ZNF385D: variants seen among roughly 807,000 people sequenced by gnomAD.
The protein encoded by ZNF385D is zinc finger protein 659.
Under a neutral mutation model 35.8 loss-of-function variants are expected in ZNF385D, and 15 were observed. The observed-to-expected ratio is 0.42, with a 90% CI of 0.28 to 0.64. The LOEUF (loss-of-function observed/expected upper bound fraction) is 0.64, where lower values mean the gene tolerates loss of function less well. Among genes scored for constraint, ZNF385D ranks in the 30% least tolerant of loss-of-function variants. The pLI is 0.23. For missense variants in ZNF385D, 474 were observed against 494.6 expected (o/e 0.96, Z 0.39); for synonymous variants, 212 against 186.8 (o/e 1.13, Z -1.10).
chr3:21,713,532 A>G (rs778990961), intron 1 of ZNF385D, among the ~76,000 whole-genome samples: 1 of 151,932 alleles, frequency 6.6e-6, no homozygotes, highest in Non-Finnish European at 1.5e-5. Flanking sequence ...TTCAAATTTC[A>G]TATCCTCCAA....
At chr3:22,267,807 G>T (rs573967624) in intron 2 of ZNF385D, among the ~76,000 whole-genome samples, 1 of 151,880 alleles carries the variant, frequency 6.6e-6, no homozygotes, top group Non-Finnish European at 1.5e-5. Flanking sequence ...AGTAATTAAA[G>T]TATTACCAAT....
intron 1 of ZNF385D, among the ~76,000 whole-genome samples, chr3:21,680,820 A>C (rs935808707): frequency 6.6e-6 from 1 of 151,228 alleles, no homozygotes; most frequent in African/African-American, 2.4e-5. Flanking sequence ...TTAGTTGGTT[A>C]TTTTTTTTTC....
At chr3:21,526,667 G>A (rs560483750) in intron 3 of ZNF385D, among the ~76,000 whole-genome samples, 32 of 152,220 alleles carry the variant, frequency 2.1e-4, no homozygotes, top group Non-Finnish European at 4.0e-4. Context: ...AGAAGTGTCC[G>A]TTAGATTTCG....
chr3:21,503,318 A>G (rs1442027413), intron 4 of ZNF385D, among the ~76,000 whole-genome samples: 1 of 152,200 alleles, frequency 6.6e-6, no homozygotes, highest in East Asian at 1.9e-4. Flanking sequence ...TCTTTCTGAA[A>G]TCAAGCCCAG....
At chr3:22,337,212 C>A (rs2125471514) in intron 2 of ZNF385D, among the ~76,000 whole-genome samples, 1 of 151,898 alleles carries the variant, frequency 6.6e-6, no homozygotes, top group East Asian at 1.9e-4. Flanking sequence ...GAATGGATAG[C>A]TCCACATTTC....
At chr3:21,586,301 T>G (rs2063809869) in intron 2 of ZNF385D, among the ~76,000 whole-genome samples, 1 of 152,162 alleles carries the variant, frequency 6.6e-6, no homozygotes, top group Non-Finnish European at 1.5e-5. Flanking sequence ...ACTGTTTTTA[T>G]CTTGAAAAAG....
intron 3 of ZNF385D, among the ~76,000 whole-genome samples, chr3:21,864,594 A>T (rs1697232129): frequency 6.6e-6 from 1 of 152,110 alleles, no homozygotes; most frequent in Non-Finnish European, 1.5e-5. Flanking sequence ...ACTAAATGAC[A>T]GTGTTTTAAA....
chr3:22,151,448 G>C (rs1382841099), intron 3 of ZNF385D, among the ~76,000 whole-genome samples: 1 of 152,086 alleles, frequency 6.6e-6, no homozygotes, highest in Non-Finnish European at 1.5e-5. Context: ...AATAGAGATT[G>C]CAATTCCTAC....
chr3:21,627,080 T>G (rs1364275169), intron 2 of ZNF385D, among the ~76,000 whole-genome samples: 17 of 151,588 alleles, frequency 1.1e-4, no homozygotes, highest in Admixed American at 2.6e-4. Flanking sequence ...CACAACTAAA[T>G]AACTATAATT....
intron 3 of ZNF385D, among the ~76,000 whole-genome samples, chr3:21,796,868 G>C (rs535207853): frequency 1.3e-5 from 2 of 152,194 alleles, no homozygotes; most frequent in African/African-American, 4.8e-5. Flanking sequence ...CTGGTAACTT[G>C]TTGACAGGTA....
chr3:21,608,023 G>GTTTTTTTTTGTTTTTTTTT lies in ZNF385D; in HGVS notation c.166-43340_166-43339insAAAAAAAAACAAAAAAAAA, dbSNP rs1553622610. On this transcript the variant is annotated intron_variant, in intron 2 of 7. Transcript: ENST00000281523. ...TAATTCTTTTTCTTCTTTTTTTTTT[G>GTTTTTTTTTGTTTTTTTTT]TTTTTTTTTTTTGAGTCTTGCTGTC... Among the ~76,000 whole-genome samples the GTTTTTTTTTGTTTTTTTTT allele has an allele frequency of 3.2e-3, 386 of 120,156 alleles. 10 individuals carry two copies. The highest frequency in any genetic ancestry group is 0.011 in the African/African-American group (349 of 31,122). The allele number at this position is 120,156 out of a possible 152,430, so 78.8% of individuals were successfully genotyped here.
intron 2 of ZNF385D, among the ~76,000 whole-genome samples, chr3:22,360,120 A>C (rs1261792966): frequency 6.6e-6 from 1 of 151,930 alleles, no homozygotes; most frequent in Non-Finnish European, 1.5e-5. Flanking sequence ...GTTTTCTTGG[A>C]AAGTATTCAC....
At chr3:21,598,197 T>C (rs11927501) in intron 2 of ZNF385D, among the ~76,000 whole-genome samples, 6,255 of 152,258 alleles carry the variant, frequency 0.041, 311 homozygotes, top group African/African-American at 0.12. Flanking sequence ...AGACGGTATC[T>C]ATAAAGATAT....
intron 4 of ZNF385D, among the ~76,000 whole-genome samples, chr3:21,495,255 C>A (rs1705743622): frequency 6.6e-6 from 1 of 151,600 alleles, no homozygotes; most frequent in Non-Finnish European, 1.5e-5. Context: ...AACTCTTCTA[C>A]TTAATAAGCA....
intron 3 of ZNF385D, among the ~76,000 whole-genome samples, chr3:22,048,653 C>T (rs952480452): frequency 1.3e-5 from 2 of 152,070 alleles, no homozygotes; most frequent in African/African-American, 2.4e-5. Context: ...TATAGTTTTG[C>T]AGTCAATTTT....
intron 4 of ZNF385D, among the ~76,000 whole-genome samples, chr3:21,448,888 T>G (rs1702296033): frequency 6.6e-6 from 1 of 152,152 alleles, no homozygotes; most frequent in Non-Finnish European, 1.5e-5. Flanking sequence ...CCAAACTATG[T>G]ATTATTCTTT....
At chr3:22,268,106 A>T (rs1241078783) in intron 2 of ZNF385D, among the ~76,000 whole-genome samples, 3 of 151,930 alleles carry the variant, frequency 2.0e-5, no homozygotes, top group Non-Finnish European at 4.4e-5. Context: ...ATTGTAACAA[A>T]AATTGATTAT....
At chr3:22,272,551 T>C (rs1701230105) in intron 2 of ZNF385D, among the ~76,000 whole-genome samples, 1 of 152,002 alleles carries the variant, frequency 6.6e-6, no homozygotes, top group African/African-American at 2.4e-5. Context: ...TTTTTATTTA[T>C]GAAAGCAGCC....
At chr3:21,917,574 A>G (rs1700250779) in intron 3 of ZNF385D, among the ~76,000 whole-genome samples, 1 of 152,232 alleles carries the variant, frequency 6.6e-6, no homozygotes, top group East Asian at 1.9e-4. Context: ...TTGTTCTTTA[A>G]GAGTTTCATG....
Sources: gnomAD v4.1 joint callset for allele counts (sites outside exome capture counted in the v4.1 genomes callset) on GRCh38, gnomAD v4.1.1 for gene constraint, MANE v1.5 for transcripts, NCBI Gene and HGNC (gene_info 2026-07-23, HGNC 2026-07-21) for gene names.